The following ANKS1A variants were observed in gnomAD, a reference collection of about 807,000 sequenced individuals.
ANKS1A encodes ankyrin repeat and SAM domain-containing protein 1A.
A neutral mutation model predicts 120.3 loss-of-function variants in ANKS1A; 55 were observed. The observed-to-expected ratio is 0.46, with a 90% confidence interval of 0.37 to 0.57. The LOEUF is 0.57. Ranked by LOEUF, ANKS1A falls within the 20% of genes least tolerant of loss-of-function variation. ANKS1A has a pLI of 0.00. For missense variants in ANKS1A, 1,123 were observed against 1,480.3 expected, an observed-to-expected ratio of 0.76 and a Z score of 3.96; for synonymous variants, 590 against 604.7, an observed-to-expected ratio of 0.98 and a Z score of 0.36.
chr6:35,093,101 A>G (rs1395088937), downstream of ANKS1A, among the ~76,000 whole-genome samples: 3 of 152,054 alleles, frequency 2.0e-5, no homozygotes, highest in East Asian at 5.8e-4. Flanking sequence ...ACTGTCATCA[A>G]CTAACAACAA....
chr6:34,933,252 C>T (rs1769078059), intron 1 of ANKS1A, among the ~76,000 whole-genome samples: 1 of 152,218 alleles, frequency 6.6e-6, no homozygotes. Flanking sequence ...TGTCCGTGAT[C>T]ATTCTATCAC....
chr6:34,985,046 C>G (rs781305657), intron 7 of ANKS1A, 36 bp from the exon 8 acceptor site: 1 of 1,587,396 alleles, frequency 6.3e-7, no homozygotes, highest in Non-Finnish European at 8.6e-7. Flanking sequence ...TTCTGCTCCC[C>G]TTCAGTGACT....
chr6:35,009,755 T>G (rs1773647606), intron 10 of ANKS1A: 2 of 158,820 alleles, frequency 1.3e-5, no homozygotes, highest in Admixed American at 1.3e-4. Flanking sequence ...ATATGAAAAT[T>G]TACTGGGTGT....
intron 13 of ANKS1A, among the ~76,000 whole-genome samples, chr6:35,075,265 C>T (rs893679572): frequency 5.3e-5 from 8 of 152,154 alleles, no homozygotes; most frequent in African/African-American, 1.9e-4. Context: ...TTAAGCCTGA[C>T]ATAACTGAGA....
chr6:34,936,130 G>A (rs932126563), intron 1 of ANKS1A, among the ~76,000 whole-genome samples: 1 of 151,296 alleles, frequency 6.6e-6, no homozygotes, highest in African/African-American at 2.4e-5. Flanking sequence ...CATGTCCCTA[G>A]TTGCTGGTAA....
Position 35,065,155 on chromosome 6 carries a change from T to C in ANKS1A, c.2184+4902T>C, listed in dbSNP as rs117059286. ...GACCAAGGGCAGCCCTTTTAGCAAGTGAGACAAGGGACAGGCTCATTTGGG... is the reference window on the plus strand; with the variant it reads ...GACCAAGGGCAGCCCTTTTAGCAAGCGAGACAAGGGACAGGCTCATTTGGG... On this transcript the variant is annotated intron_variant, in intron 13 of 23. Coordinates refer to ENST00000360359, the MANE Select transcript of ANKS1A (RefSeq NM_015245.3). Among the ~76,000 whole-genome samples the C allele has an allele frequency of 2.8e-4, 42 of 152,220 alleles. No homozygotes were observed. In the East Asian group the frequency reaches 8.2e-3, roughly 30 times the overall value.
chr6:35,009,484 T>TA (rs1335055944), intron 10 of ANKS1A, among the ~76,000 whole-genome samples: 1 of 152,152 alleles, frequency 6.6e-6, no homozygotes, highest in African/African-American at 2.4e-5. Context: ...TGAGGTGTTT[T>TA]AGGTACCAGA....
chr6:35,081,837 G>A (rs945640249), intron 17 of ANKS1A, among the ~76,000 whole-genome samples: 3 of 152,068 alleles, frequency 2.0e-5, no homozygotes, highest in African/African-American at 4.8e-5. Flanking sequence ...CTCCTTGTAC[G>A]GACCTTGGCT....
At chr6:34,895,776 C>CTTTATTTTTTTT in intron 1 of ANKS1A, among the ~76,000 whole-genome samples, 2 of 101,966 alleles carry the variant, frequency 2.0e-5, no homozygotes, top group Admixed American at 9.7e-5. Flanking sequence ...TCAAGAATGT[C>CTTTATTTTTTTT]TTTCTTTTTT....
intron 16 of ANKS1A, 120 bp downstream of exon 16, chr6:35,080,048 GAA>G (rs1777591148): frequency 8.8e-7 from 1 of 1,134,490 alleles, no homozygotes. Flanking sequence ...GCTCCAACAA[GAA>G]GAGAGGAGTA....
chr6:35,005,908 G>T (rs1276302588), intron 10 of ANKS1A: 3 of 318,070 alleles, frequency 9.4e-6, no homozygotes, highest in Admixed American at 4.7e-5. Context: ...CAAGAATTAG[G>T]CCGGGCGCGG....
In ANKS1A at chr6:35,089,858, C is replaced by T; in HGVS notation, c.*1249C>T. ...CTGTGTGCCCAGTTCCTCCTGTGGG[C>T]ACTTTAGCAGGCTCCGAGCTTTCCT... On this transcript the variant is annotated 3_prime_UTR_variant, in exon 24 of 24. Transcript: ENST00000360359. 9.3e-7 allele frequency: 1 copy of T among 1,074,130 alleles called. No homozygotes were observed. Among genetic ancestry groups the T allele is most frequent in the Non-Finnish European group, 1.1e-6 (1 of 882,736 alleles). 66.5% of individuals were successfully genotyped at this position (1,074,130 alleles called of 1,614,324 possible). A position where few individuals can be genotyped will look rare whatever the true frequency, so the allele number is the denominator to read the frequency against.
At chr6:35,032,234 T>C (rs1774943189) in intron 11 of ANKS1A, among the ~76,000 whole-genome samples, 1 of 152,224 alleles carries the variant, frequency 6.6e-6, no homozygotes, top group Non-Finnish European at 1.5e-5. Context: ...CCATGAGGCC[T>C]CTCTGCAGTC....
intron 13 of ANKS1A, among the ~76,000 whole-genome samples, chr6:35,068,504 G>A (rs866699998): frequency 5.3e-5 from 8 of 152,150 alleles, no homozygotes; most frequent in African/African-American, 9.7e-5. Flanking sequence ...CTTTGTCCCC[G>A]CACTCAGCTC....
intron 11 of ANKS1A, among the ~76,000 whole-genome samples, chr6:35,025,709 A>G (rs1774590423): frequency 7.1e-6 from 1 of 141,218 alleles, no homozygotes; most frequent in African/African-American, 2.7e-5. Flanking sequence ...TTTCATTCTT[A>G]TTTTTACAGG....
intron 10 of ANKS1A, among the ~76,000 whole-genome samples, chr6:35,007,770 A>G (rs1773540725): frequency 1.3e-5 from 2 of 152,332 alleles, no homozygotes; most frequent in South Asian, 4.1e-4. Flanking sequence ...GTTACACTTC[A>G]GAGGTTTTTG....
intron 17 of ANKS1A, 121 bp downstream of exon 17, chr6:35,081,279 G>A (rs1777661259): frequency 2.3e-6 from 3 of 1,304,112 alleles, no homozygotes; most frequent in Non-Finnish European, 3.1e-6. Context: ...CCAGAGTCAG[G>A]AGGCACTAGC....
intron 1 of ANKS1A, among the ~76,000 whole-genome samples, chr6:34,943,769 C>A (rs1220187081): frequency 1.3e-5 from 2 of 152,106 alleles, no homozygotes; most frequent in African/African-American, 2.4e-5. Flanking sequence ...TACTTTATTT[C>A]TTTTTATTCC....
chr6:35,069,564 A>C (rs907413049), intron 13 of ANKS1A, among the ~76,000 whole-genome samples: 1 of 152,008 alleles, frequency 6.6e-6, no homozygotes, highest in African/African-American at 2.4e-5. Context: ...CTTTTAAGAT[A>C]GGGTCTCTCT....
Sources: gnomAD v4.1 joint callset for allele counts (sites outside exome capture counted in the v4.1 genomes callset) on GRCh38, gnomAD v4.1.1 for gene constraint, MANE v1.5 for transcripts, NCBI Gene and HGNC (gene_info 2026-07-23, HGNC 2026-07-21) for gene names.